The following MAGI2 variants were observed in gnomAD, a reference collection of about 807,000 sequenced individuals.
MAGI2 encodes membrane-associated guanylate kinase, WW and PDZ domain-containing protein 2.
Under a neutral mutation model 133.3 loss-of-function variants are expected in MAGI2, and 35 were observed. The ratio of observed to expected loss-of-function variants is 0.26; its 90% confidence interval spans 0.20 to 0.35. The LOEUF is 0.35. Ranked by LOEUF, MAGI2 falls within the 10% of genes least tolerant of loss-of-function variation. The pLI, the probability that MAGI2 is intolerant of heterozygous loss-of-function variation, is 1.00. For missense variants in MAGI2, 1,636 were observed against 1,863.4 expected, an observed-to-expected ratio of 0.88 and a Z score of 2.25; for synonymous variants, 729 against 710.6, an observed-to-expected ratio of 1.03 and a Z score of -0.41.
At chr7:78,270,881 T>A (rs888038696) in intron 9 of MAGI2, among the ~76,000 whole-genome samples, 1 of 152,212 alleles carries the variant, frequency 6.6e-6, no homozygotes, top group African/African-American at 2.4e-5. Flanking sequence ...ATTGACCACA[T>A]AATTGGAAGT....
chr7:78,948,198 A>G (rs1801585046), intron 2 of MAGI2, among the ~76,000 whole-genome samples: 1 of 152,102 alleles, frequency 6.6e-6, no homozygotes, highest in African/African-American at 2.4e-5. Context: ...TGTTATTGAC[A>G]TATTTTGAAC....
At chr7:78,605,758 G>C (rs966351108) in intron 3 of MAGI2, among the ~76,000 whole-genome samples, 1 of 152,180 alleles carries the variant, frequency 6.6e-6, no homozygotes, top group African/African-American at 2.4e-5. Context: ...TTTAGGGGAA[G>C]TTCAAGGAAT....
rs568019504 is a variant in MAGI2 at position 78,934,092 on chromosome 7, A to G, written c.418+72998T>C. On this transcript the variant is annotated intron_variant, in intron 2 of 21. Transcript: ENST00000354212. ...ATGATACTGTGCTGCTTAGTTATCC[A>G]GAACACATTTTATTTATTTATTTAT... 3.3e-5 allele frequency among the ~76,000 whole-genome samples: 5 copies of G among 152,198 alleles called. No individual in the cohort carries two copies. The East Asian group carries it at 5.8e-4, about 18-fold the overall frequency.
chr7:79,058,274 T>C (rs1422500499), intron 1 of MAGI2, among the ~76,000 whole-genome samples: 1 of 152,188 alleles, frequency 6.6e-6, no homozygotes, highest in Non-Finnish European at 1.5e-5. Context: ...ACCTTAATAA[T>C]GTTGCTCTCA....
chr7:79,231,808 T>C (rs1004270394), intron 1 of MAGI2, among the ~76,000 whole-genome samples: 1 of 150,808 alleles, frequency 6.6e-6, no homozygotes, highest in African/African-American at 2.4e-5. Context: ...CTAATTGCCC[T>C]GGCCAGAACT....
chr7:78,731,386 G>A (rs144728887), intron 2 of MAGI2, among the ~76,000 whole-genome samples: 8 of 152,190 alleles, frequency 5.3e-5, no homozygotes, highest in Admixed American at 1.3e-4. Context: ...AATACAGCCT[G>A]AGAATAATTT....
intron 21 of MAGI2, among the ~76,000 whole-genome samples, chr7:78,059,853 A>T (rs1813039327): frequency 6.6e-6 from 1 of 151,658 alleles, no homozygotes; most frequent in African/African-American, 2.4e-5. Flanking sequence ...CTTGGTAGAG[A>T]CCCAGGAGAC....
intron 1 of MAGI2, among the ~76,000 whole-genome samples, chr7:79,299,893 T>G (rs748318857): frequency 1.3e-5 from 2 of 152,084 alleles, no homozygotes; most frequent in Non-Finnish European, 2.9e-5. Context: ...CTCCCCTCAC[T>G]CTTTCTCTCT....
chr7:78,353,343 C>G (rs1190382954), intron 7 of MAGI2, among the ~76,000 whole-genome samples: 2 of 152,150 alleles, frequency 1.3e-5, no homozygotes, highest in Non-Finnish European at 2.9e-5. Flanking sequence ...ATTCTGGGCA[C>G]TAAGGACACA....
At chr7:78,803,294 T>G (rs1788237286) in intron 2 of MAGI2, among the ~76,000 whole-genome samples, 1 of 152,158 alleles carries the variant, frequency 6.6e-6, no homozygotes, top group East Asian at 1.9e-4. Context: ...GCAATATATC[T>G]TGGGCTGGCA....
intron 2 of MAGI2, among the ~76,000 whole-genome samples, chr7:78,865,049 C>A (rs1367915403): frequency 6.6e-6 from 1 of 152,168 alleles, no homozygotes; most frequent in African/African-American, 2.4e-5. Flanking sequence ...GGGCCTAGTG[C>A]TGTCAGGAGA....
At chr7:78,765,726 C>A (rs73135558) in intron 2 of MAGI2, among the ~76,000 whole-genome samples, 5,461 of 151,966 alleles carry the variant, frequency 0.036, 149 homozygotes, top group Non-Finnish European at 0.05. Flanking sequence ...TGAATTTGGA[C>A]CCTCACTTTA....
intron 6 of MAGI2, among the ~76,000 whole-genome samples, chr7:78,471,178 T>C (rs1791168608): frequency 6.6e-6 from 1 of 152,168 alleles, no homozygotes; most frequent in South Asian, 2.1e-4. Flanking sequence ...GATGATACCA[T>C]CTGTTGATCT....
intron 2 of MAGI2, among the ~76,000 whole-genome samples, chr7:78,671,037 T>G (rs1814319477): frequency 1.3e-5 from 2 of 152,164 alleles, no homozygotes; most frequent in Non-Finnish European, 2.9e-5. Context: ...TGATCCTAAT[T>G]CCACATAGTG....
At chr7:78,887,382 T>G (rs1406326192) in intron 2 of MAGI2, among the ~76,000 whole-genome samples, 1 of 152,210 alleles carries the variant, frequency 6.6e-6, no homozygotes, top group Non-Finnish European at 1.5e-5. Context: ...AAATGTAATT[T>G]ATCAGCCCAT....
chr7:78,038,634 T>A (rs534993755), intron 21 of MAGI2, among the ~76,000 whole-genome samples: 1 of 152,132 alleles, frequency 6.6e-6, no homozygotes, highest in East Asian at 1.9e-4. Flanking sequence ...CCCCAGGGAT[T>A]CACATGCGGG....
At chr7:79,234,651 CT>C in intron 1 of MAGI2, among the ~76,000 whole-genome samples, 1 of 151,934 alleles carries the variant, frequency 6.6e-6, no homozygotes, top group South Asian at 2.1e-4. Flanking sequence ...CCATCAGCTC[CT>C]TTAAGCACTT....
chr7:78,099,971 T>C (rs966946393), intron 20 of MAGI2, among the ~76,000 whole-genome samples: 2 of 152,226 alleles, frequency 1.3e-5, no homozygotes, highest in Admixed American at 6.5e-5. Context: ...CACTGATTCT[T>C]ACACTCTTCT....
chr7:78,522,155 C>T (rs1796561591), intron 3 of MAGI2, among the ~76,000 whole-genome samples: 1 of 152,112 alleles, frequency 6.6e-6, no homozygotes, highest in African/African-American at 2.4e-5. Context: ...ATCCCCGTGC[C>T]AGTCTAGTGG....
Sources: allele counts gnomAD v4.1 joint callset (sites outside exome capture counted in the v4.1 genomes callset), GRCh38; gene constraint gnomAD v4.1.1; transcripts MANE v1.5; gene names NCBI Gene and HGNC (gene_info 2026-07-23, HGNC 2026-07-21).